Variants in SFXN1 observed in about 807,000 individuals in gnomAD.
SFXN1 encodes sideroflexin-1.
A neutral mutation model predicts 39.5 loss-of-function variants in SFXN1; 32 were observed. The observed-to-expected ratio is 0.81, with a 90% confidence interval of 0.61 to 1.09. The LOEUF (loss-of-function observed/expected upper bound fraction) is 1.09, where lower values mean the gene tolerates loss of function less well. Among genes scored for constraint, SFXN1 ranks in the 50% least tolerant of loss-of-function variants. The pLI is 0.00. For missense variants in SFXN1, 402 were observed against 407.1 expected, an observed-to-expected ratio of 0.99 and a Z score of 0.11; for synonymous variants, 136 against 146.5, an observed-to-expected ratio of 0.93 and a Z score of 0.52.
At chr5:175,521,533 C>A (rs1223718069) in intron 8 of SFXN1, among the ~76,000 whole-genome samples, 2 of 152,194 alleles carry the variant, frequency 1.3e-5, no homozygotes, top group Non-Finnish European at 2.9e-5. Flanking sequence ...GCCTGTGGTT[C>A]CCCACAGTCA....
intron 2 of SFXN1, chr5:175,492,574 G>A (rs1161394749): frequency 8.9e-6 from 2 of 224,906 alleles, no homozygotes; most frequent in East Asian, 2.2e-4. Context: ...CCTCCACTAC[G>A]ACATCCACAA....
chr5:175,487,078 C>T (rs1469916252), intron 1 of SFXN1, among the ~76,000 whole-genome samples: 1 of 152,062 alleles, frequency 6.6e-6, no homozygotes, highest in Non-Finnish European at 1.5e-5. Context: ...GGCCCGAGGG[C>T]AGGCACAGGA....
chr5:175,520,055 A>G (rs1289789699), intron 8 of SFXN1, among the ~76,000 whole-genome samples: 2 of 151,396 alleles, frequency 1.3e-5, no homozygotes, highest in African/African-American at 4.9e-5. Flanking sequence ...TTTTTAGTAG[A>G]GACGGGATTT....
In SFXN1 at chr5:175,527,972, T is replaced by G. The variant is rs914269116; in HGVS notation, c.*1238T>G. 2.1e-5 allele frequency: 3 copies of G among 143,398 alleles called. No homozygotes were observed. The highest frequency in any genetic ancestry group is 4.5e-5 in the Non-Finnish European group (3 of 67,412). The allele number at this position is 143,398 out of a possible 1,614,324, so 8.9% of individuals were successfully genotyped here. On this transcript the variant is annotated 3_prime_UTR_variant, in exon 11 of 11. Transcript: ENST00000321442. ...TCTCGCTCTGTCACCCAGGCTGGAG[T>G]GCAGTGGCGTAGTCTCGGCTCACTG...
intron 2 of SFXN1, among the ~76,000 whole-genome samples, chr5:175,507,973 TA>T (rs74722265): frequency 0.42 from 52,428 of 124,254 alleles, 10,657 homozygotes; most frequent in Non-Finnish European, 0.53. Flanking sequence ...ACCCTGTCTT[TA>T]AAAAAAAAAA....
intron 2 of SFXN1, among the ~76,000 whole-genome samples, chr5:175,501,879 A>G (rs1033176718): frequency 6.6e-6 from 1 of 152,174 alleles, no homozygotes; most frequent in African/African-American, 2.4e-5. Flanking sequence ...GGGAATTGCA[A>G]TGGAGAAAGA....
chr5:175,526,502 G>T, intron 10 of SFXN1, 136 bp from the exon 11 acceptor site: 1 of 657,004 alleles, frequency 1.5e-6, no homozygotes, highest in Admixed American at 2.8e-5. Flanking sequence ...TTTTCTAGCC[G>T]CATGAAGCAT....
chr5:175,495,457 G>T (rs1759823366), intron 2 of SFXN1, among the ~76,000 whole-genome samples: 1 of 152,182 alleles, frequency 6.6e-6, no homozygotes, highest in Admixed American at 6.5e-5. Flanking sequence ...GGCTGGGGGT[G>T]GTGGCACATG....
At chr5:175,526,183 T>C (rs1255590107) in intron 10 of SFXN1, among the ~76,000 whole-genome samples, 2 of 151,678 alleles carry the variant, frequency 1.3e-5, no homozygotes, top group African/African-American at 4.8e-5. Context: ...TAAGCGTGTA[T>C]TACATACAGT....
intron 8 of SFXN1, 49 bp from the exon 9 acceptor site, chr5:175,521,870 C>T: frequency 6.8e-7 from 1 of 1,477,474 alleles, no homozygotes; most frequent in South Asian, 1.3e-5. Context: ...GATATTGCCT[C>T]TAAGACCCTG....
At chr5:175,503,548 G>A (rs1261970927) in intron 2 of SFXN1, among the ~76,000 whole-genome samples, 1 of 152,154 alleles carries the variant, frequency 6.6e-6, no homozygotes, top group Non-Finnish European at 1.5e-5. Context: ...ATGCCCAAAA[G>A]AAGGTAAAAT....
At chr5:175,486,185 A>AGG (rs113677211) in intron 1 of SFXN1, among the ~76,000 whole-genome samples, 4 of 150,214 alleles carry the variant, frequency 2.7e-5, no homozygotes, top group African/African-American at 1.0e-4. Context: ...AAAGGAAAAA[A>AGG]GTGGGGGGGC....
At chr5:175,481,174 TC>T (rs1759235191) in intron 1 of SFXN1, among the ~76,000 whole-genome samples, 1 of 152,228 alleles carries the variant, frequency 6.6e-6, no homozygotes, top group Admixed American at 6.5e-5. Context: ...TATCACCATC[TC>T]AAATAGAAAT....
In SFXN1 at chr5:175,515,360, T is replaced by TA. The variant is rs1275582344; in HGVS notation, c.725-1253dup. ...CTGTTTTGAATTGCCTTACTCCTCT[T>TA]AGAGTTCAGCCAGTCCAGACGGACA... is the stretch of plus-strand genomic sequence containing the variant. On this transcript the variant is annotated intron_variant, in intron 7 of 10. Coordinates refer to ENST00000321442, the MANE Select transcript of SFXN1 (RefSeq NM_022754.7). Among the ~76,000 whole-genome samples, 5 of 152,200 alleles carry TA rather than the reference T, an allele frequency of 3.3e-5. No homozygotes were observed. The East Asian group carries it at 9.6e-4, about 29-fold the overall frequency.
intron 2 of SFXN1, among the ~76,000 whole-genome samples, chr5:175,499,612 A>G (rs1043734161): frequency 5.9e-5 from 9 of 152,208 alleles, no homozygotes; most frequent in African/African-American, 1.7e-4. Flanking sequence ...ACATCCATTC[A>G]TGATACAGCT....
chr5:175,517,556 T>A (rs1370748576), intron 8 of SFXN1, among the ~76,000 whole-genome samples: 2 of 152,124 alleles, frequency 1.3e-5, no homozygotes, highest in Non-Finnish European at 2.9e-5. Flanking sequence ...TCTGAAAAAG[T>A]AATGGCTAAC....
chr5:175,481,589 C>T (rs771423322), intron 1 of SFXN1, among the ~76,000 whole-genome samples: 1 of 152,198 alleles, frequency 6.6e-6, no homozygotes, highest in Non-Finnish European at 1.5e-5. Flanking sequence ...GCTGGGATTA[C>T]AGGTGTGAGC....
chr5:175,510,346 G>T, intron 4 of SFXN1, 139 bp downstream of exon 4: 3 of 675,708 alleles, frequency 4.4e-6, no homozygotes, highest in African/African-American at 1.9e-5. Flanking sequence ...CTTTTTTGTA[G>T]CTTTTTTCTT....
Position 175,492,084 on chromosome 5 carries a change from A to G in SFXN1, c.-9-11A>G. ...AGCCTTACACGAACTTGCCTTTTTG[A>G]CTCTTTGCAGTCCGGGACCATGTCT... On this transcript the variant is annotated splice_polypyrimidine_tract_variant and intron_variant, in intron 1 of 10. Transcript: ENST00000321442. The G allele has an allele frequency of 1.3e-6, 2 of 1,592,398 alleles. No homozygotes were observed. The highest frequency in any genetic ancestry group is 1.7e-6 in the Non-Finnish European group (2 of 1,171,870).
Sources: gnomAD v4.1 joint callset for allele counts (sites outside exome capture counted in the v4.1 genomes callset) on GRCh38, gnomAD v4.1.1 for gene constraint, MANE v1.5 for transcripts, NCBI Gene and HGNC (gene_info 2026-07-23, HGNC 2026-07-21) for gene names.